Variants in NCAM2 observed in about 807,000 individuals in gnomAD.
NCAM2 encodes the protein neural cell adhesion molecule 2.
NCAM2 carries 30 observed loss-of-function variants against 98.1 expected under a neutral mutation model. The observed-to-expected ratio is 0.31, with a 90% CI of 0.23 to 0.41. NCAM2 has a LOEUF of 0.41. Ranked by LOEUF, NCAM2 falls within the 10% of genes least tolerant of loss-of-function variation. The pLI is 1.00. For synonymous variants in NCAM2, 368 were observed against 342.4 expected (o/e 1.07, Z -0.83); for missense variants, 867 against 1,005.8 (o/e 0.86, Z 1.87).
At chr21:21,192,258 A>G (rs2068847936) in intron 1 of NCAM2, among the ~76,000 whole-genome samples, 1 of 151,892 alleles carries the variant, frequency 6.6e-6, no homozygotes, top group South Asian at 2.1e-4. Flanking sequence ...AACTAAAAAA[A>G]AACCCGATGA....
chr21:21,537,765 T>A (rs1602586431), intron 17 of NCAM2, 81 bp from the exon 18 acceptor site: 1 of 631,044 alleles, frequency 1.6e-6, no homozygotes, highest in Non-Finnish European at 2.7e-6. Flanking sequence ...CATATTTTCC[T>A]TACAAAACAG....
At chr21:21,125,524 G>A (rs1468650722) in intron 1 of NCAM2, among the ~76,000 whole-genome samples, 2 of 118,840 alleles carry the variant, frequency 1.7e-5, no homozygotes, top group Admixed American at 1.1e-4. Flanking sequence ...TATATAATAT[G>A]TAATATATAA....
intron 14 of NCAM2, among the ~76,000 whole-genome samples, chr21:21,474,502 C>CT (rs941205006): frequency 1.6e-3 from 236 of 147,704 alleles, no homozygotes; most frequent in East Asian, 3.8e-3. Context: ...CTAAAGAATA[C>CT]TTTTTTTTTT....
chr21:21,284,102 A>G (rs760112567), intron 2 of NCAM2, 92 bp from the exon 3 acceptor site: 7 of 931,198 alleles, frequency 7.5e-6, no homozygotes, highest in Non-Finnish European at 1.1e-5. Context: ...TTTTTTCTAA[A>G]TGGTTAATAT....
At chr21:21,130,660 A>G (rs1470756649) in intron 1 of NCAM2, among the ~76,000 whole-genome samples, 1 of 152,116 alleles carries the variant, frequency 6.6e-6, no homozygotes, top group Admixed American at 6.6e-5. Flanking sequence ...CCAAATGTCA[A>G]CATTCATATC....
intron 1 of NCAM2, among the ~76,000 whole-genome samples, chr21:21,175,197 C>G (rs1415217630): frequency 1.3e-5 from 2 of 151,900 alleles, no homozygotes; most frequent in Non-Finnish European, 2.9e-5. Flanking sequence ...ATTCAGTAAT[C>G]CGGGGTCAGT....
intron 12 of NCAM2, among the ~76,000 whole-genome samples, chr21:21,449,719 A>G (rs1980739371): frequency 6.6e-6 from 1 of 152,012 alleles, no homozygotes; most frequent in African/African-American, 2.4e-5. Flanking sequence ...AGGGGTATAG[A>G]GCCATTCCAT....
intron 1 of NCAM2, among the ~76,000 whole-genome samples, chr21:21,276,848 C>A (rs1430370539): frequency 6.6e-6 from 1 of 151,846 alleles, no homozygotes; most frequent in African/African-American, 2.4e-5. Flanking sequence ...CCAAAATGTC[C>A]ATGAATAATA....
intron 1 of NCAM2, among the ~76,000 whole-genome samples, chr21:21,035,180 C>T (rs760495070): frequency 6.6e-6 from 1 of 152,114 alleles, no homozygotes; most frequent in Non-Finnish European, 1.5e-5. Context: ...TTATTGGCTC[C>T]ATAAATCAAC....
chr21:21,290,113 T>G (rs1355449785), intron 4 of NCAM2: 2 of 151,924 alleles, frequency 1.3e-5, no homozygotes, highest in African/African-American at 4.8e-5. Context: ...TAAAGGCATG[T>G]GAAGACAGAA....
At chr21:21,196,456 C>T (rs2069007631) in intron 1 of NCAM2, among the ~76,000 whole-genome samples, 1 of 152,166 alleles carries the variant, frequency 6.6e-6, no homozygotes, top group African/African-American at 2.4e-5. Flanking sequence ...TGCTTCCTGC[C>T]CTCCTTTCCA....
chr21:21,336,066 T>G (rs1047993454), intron 7 of NCAM2, among the ~76,000 whole-genome samples: 8 of 152,128 alleles, frequency 5.3e-5, no homozygotes, highest in Non-Finnish European at 8.8e-5. Flanking sequence ...ACTTAAATAT[T>G]TGCTTTCATT....
intron 12 of NCAM2, among the ~76,000 whole-genome samples, chr21:21,462,778 A>G (rs1250300077): frequency 6.6e-6 from 1 of 152,132 alleles, no homozygotes; most frequent in Admixed American, 6.6e-5. Context: ...TAGATTCTAT[A>G]GAGAATTCAT....
chr21:21,267,791 T>C (rs1233878159), intron 1 of NCAM2, among the ~76,000 whole-genome samples: 1 of 152,196 alleles, frequency 6.6e-6, no homozygotes, highest in African/African-American at 2.4e-5. Context: ...TTTATACTAT[T>C]TCTTGTAAAT....
chr21:21,192,131 G>T (rs150018139), intron 1 of NCAM2, among the ~76,000 whole-genome samples: 2,607 of 152,204 alleles, frequency 0.017, 53 homozygotes, highest in Admixed American at 0.039. Flanking sequence ...GCTGAAGCAG[G>T]AGAATCACTT....
chr21:21,430,191 G>A (rs62214322), intron 11 of NCAM2, among the ~76,000 whole-genome samples: 10,705 of 151,186 alleles, frequency 0.071, 399 homozygotes, highest in East Asian at 0.16. Context: ...ACTACACCCG[G>A]CTGTTTTTTT....
At chr21:21,143,799 A>T (rs1601486389) in intron 1 of NCAM2, among the ~76,000 whole-genome samples, 8 of 98,628 alleles carry the variant, frequency 8.1e-5, no homozygotes, top group Non-Finnish European at 1.0e-4. Flanking sequence ...TTTTTTTTTT[A>T]GGAAGTTTTT....
chr21:21,171,459 G>A (rs1209551952), intron 1 of NCAM2, among the ~76,000 whole-genome samples: 2 of 152,142 alleles, frequency 1.3e-5, no homozygotes, highest in African/African-American at 4.8e-5. Context: ...GGTACTCAGA[G>A]GTAAATAAAT....
chr21:21,081,050 C>T (rs922504134), intron 1 of NCAM2, among the ~76,000 whole-genome samples: 2 of 152,162 alleles, frequency 1.3e-5, no homozygotes, highest in Non-Finnish European at 2.9e-5. Context: ...CTTCCAGGAT[C>T]TTGCGTTACT....
Sources: gnomAD v4.1 joint callset for allele counts (sites outside exome capture counted in the v4.1 genomes callset) on GRCh38, gnomAD v4.1.1 for gene constraint, MANE v1.5 for transcripts, NCBI Gene and HGNC (gene_info 2026-07-23, HGNC 2026-07-21) for gene names.